The following CPT1C variants were observed in gnomAD, a reference collection of about 807,000 sequenced individuals.
CPT1C encodes the protein carnitine palmitoyltransferase 1C.
CPT1C carries 61 observed loss-of-function variants against 97.3 expected under a neutral mutation model. The observed-to-expected ratio is 0.63, with a 90% CI of 0.51 to 0.78. The LOEUF (loss-of-function observed/expected upper bound fraction) is 0.78, where lower values mean the gene tolerates loss of function less well. CPT1C is among the 30% of genes least tolerant of loss of function. The probability of loss-of-function intolerance (pLI) is 0.00; values close to 1 mark genes in which losing one functional copy is unlikely to be tolerated. For synonymous variants in CPT1C, 469 were observed against 447.2 expected (o/e 1.05, Z -0.61); for missense variants, 975 against 1,065.5 (o/e 0.92, Z 1.18).
intron 4 of CPT1C, among the ~76,000 whole-genome samples, chr19:49,698,368 A>G (rs2082789726): frequency 6.6e-6 from 1 of 151,876 alleles, no homozygotes; most frequent in Non-Finnish European, 1.5e-5. Context: ...CTGTCTCAAG[A>G]AAAAAGAAAA....
chr19:49,713,063 C>T lies in CPT1C; in HGVS notation c.2225C>T (p.Thr742Met), dbSNP rs766760821. 3 of 1,612,898 alleles carry T rather than the reference C, an allele frequency of 1.9e-6. No homozygotes were observed. The highest frequency in any genetic ancestry group is 4.5e-5 in the East Asian group (2 of 44,882). ...TCCAGCAAAAAATCAAGCACAAAAA[C>T]GGTGAGACAAACGTGTATACCCACC... is the stretch of plus-strand genomic sequence containing the variant. ...HISSKKSSTK[T>M]DSHRLGQHIE... Residue 742 changes from threonine (T) to methionine (M), a missense_variant and splice_region_variant, in exon 19 of 20, where the codon ACG becomes ATG. Thr to Met is a moderately conservative substitution (Grantham distance 81). This residue lies in a region of CPT1C where 344 missense variants were observed against 395.7 expected (regional missense o/e 0.87). Transcript: ENST00000598293.
In CPT1C at chr19:49,705,001, C is replaced by A; in HGVS notation, c.772-6C>A. ...GTGTTTTGCCATCCCCTCTCCTGGTCCCCAGGACTTCCTGTATGTCACACC... is the reference window on the plus strand; with the variant it reads ...GTGTTTTGCCATCCCCTCTCCTGGTACCCAGGACTTCCTGTATGTCACACC... On this transcript the variant is annotated splice_region_variant and splice_polypyrimidine_tract_variant and intron_variant, in intron 8 of 19. Transcript: ENST00000598293. 6.3e-7 allele frequency: 1 copy of A among 1,584,252 alleles called. No homozygotes were observed. Among genetic ancestry groups the A allele is most frequent in the South Asian group, 1.1e-5 (1 of 88,270 alleles).
In CPT1C at chr19:49,704,995, C is replaced by T. The variant is rs1276412374; in HGVS notation, c.772-12C>T. 2 of 1,581,700 alleles carry T rather than the reference C, an allele frequency of 1.3e-6. No individual in the cohort carries two copies. Among genetic ancestry groups the T allele is most frequent in the Admixed American group, 1.7e-5 (1 of 57,908 alleles). On this transcript the variant is annotated splice_polypyrimidine_tract_variant and intron_variant, in intron 8 of 19. Coordinates refer to ENST00000598293, the MANE Select transcript of CPT1C (RefSeq NM_001199753.2). ...CCCTGGGTGTTTTGCCATCCCCTCT[C>T]CTGGTCCCCAGGACTTCCTGTATGT...
chr19:49,703,419 C>G (rs2083302262), intron 7 of CPT1C, among the ~76,000 whole-genome samples: 1 of 149,020 alleles, frequency 6.7e-6, no homozygotes, highest in South Asian at 2.1e-4. Context: ...CCAGGATGGT[C>G]TCGACCTCCT....
chr19:49,713,634 A>G lies in CPT1C; in HGVS notation c.*29A>G, dbSNP rs73588437. The G allele has an allele frequency of 0.024, 38,580 of 1,586,718 alleles. 571 individuals carry two copies. Among genetic ancestry groups the G allele is most frequent in the South Asian group, 0.042 (3,627 of 85,752 alleles). ...CTTCCAGCAGGCAGCTGGCCTCTCC[A>G]AGGAATAAGGGTGAAATTGCCACAG... On this transcript the variant is annotated 3_prime_UTR_variant, in exon 20 of 20. Transcript: ENST00000598293.
chr19:49,712,725 C>T lies in CPT1C; in HGVS notation c.2020-11C>T, dbSNP rs544171102. 2.4e-5 allele frequency: 38 copies of T among 1,601,828 alleles called. No homozygotes were observed. In the South Asian group the frequency reaches 4.0e-4, roughly 17 times the overall value. On this transcript the variant is annotated splice_polypyrimidine_tract_variant and intron_variant, in intron 17 of 19. Transcript: ENST00000598293. ...CTCTGTCCTGCACATGTGATGGGCT[C>T]CTGTCCTCAGGTCCATTCGGAGCAG...
chr19:49,709,354 C>G (rs527494967), intron 14 of CPT1C, among the ~76,000 whole-genome samples: 15 of 151,884 alleles, frequency 9.9e-5, no homozygotes, highest in Non-Finnish European at 1.6e-4. Context: ...TACCCCACAC[C>G]AACCCCATCC....
intron 14 of CPT1C, among the ~76,000 whole-genome samples, chr19:49,709,716 G>A (rs1182231347): frequency 2.0e-5 from 3 of 151,284 alleles, no homozygotes; most frequent in Admixed American, 6.6e-5. Context: ...TACCACACCC[G>A]GCTAAATTTT....
Position 49,705,234 on chromosome 19 carries a change from C to G in CPT1C, c.900C>G (p.Arg300=). Residue 300 remains arginine, a synonymous_variant, in exon 10 of 20, where the codon CGC becomes CGG. Transcript: ENST00000598293. ...EIPPTLLMGM[R]PLCSAQYEKI... is the part of the protein sequence containing the mutation. ...TGCAGACTTTGCTGATGGGAATGCGCCCCTTATGCTCTGCCCAGTACGAGA... is the reference window on the plus strand; with the variant it reads ...TGCAGACTTTGCTGATGGGAATGCGGCCCTTATGCTCTGCCCAGTACGAGA... 6.2e-7 allele frequency: 1 copy of G among 1,614,074 alleles called. No individual in the cohort carries two copies. Among genetic ancestry groups the G allele is most frequent in the African/African-American group, 1.3e-5 (1 of 75,008 alleles).
intron 5 of CPT1C, among the ~76,000 whole-genome samples, 188 bp downstream of exon 5, chr19:49,701,043 C>T (rs2083002199): frequency 8.3e-6 from 1 of 121,198 alleles, no homozygotes; most frequent in South Asian, 3.7e-4. Context: ...GGGTCTCTGT[C>T]CCCCTCTCTC....
At chr19:49,701,895 TATAA>T (rs1162937413) in intron 7 of CPT1C, among the ~76,000 whole-genome samples, 3 of 114,310 alleles carry the variant, frequency 2.6e-5, no homozygotes, top group South Asian at 2.3e-4. Context: ...TATATTTATT[TATAA>T]ATATATATAT....
chr19:49,702,648 AAG>A (rs1289637566), intron 7 of CPT1C, among the ~76,000 whole-genome samples: 1 of 151,718 alleles, frequency 6.6e-6, no homozygotes, highest in African/African-American at 2.4e-5. Context: ...GAAAAAAAAA[AAG>A]ACAAAACCAA....
chr19:49,712,935 G>C (rs773943950), intron 18 of CPT1C, 37 bp from the exon 19 acceptor site: 1 of 1,597,656 alleles, frequency 6.3e-7, no homozygotes, highest in Non-Finnish European at 8.6e-7. Context: ...GGAGGGGACC[G>C]GAGCTATTTT....
In CPT1C at chr19:49,706,169, G is replaced by A. The variant is rs927675700; in HGVS notation, c.1161-62G>A. ...CGCCAGTGTCCTGAGACTGTGGAAG[G>A]GCAGGGTGGGGCCAGGTGGCGGCTG... On this transcript the variant is annotated intron_variant, in intron 11 of 19. Coordinates refer to ENST00000598293, the MANE Select transcript of CPT1C (RefSeq NM_001199753.2). The surrounding 1 kb of genome is among the most constrained non-coding windows in gnomAD (Gnocchi z 4.8). 2.2e-5 allele frequency: 34 copies of A among 1,555,564 alleles called. No individual in the cohort carries two copies. Among genetic ancestry groups the A allele is most frequent in the African/African-American group, 4.1e-5 (3 of 73,122 alleles).
chr19:49,712,975 G>A lies in CPT1C; in HGVS notation c.2137G>A (p.Asp713Asn). ...VSSGGGFGPA[D>N]DHGYGVSYIF... ...CCTTCACTCTTTCCGTCTCCAGGCTGATGACCATGGTTATGGTGTTTCTTA... is the reference window on the plus strand; with the variant it reads ...CCTTCACTCTTTCCGTCTCCAGGCTAATGACCATGGTTATGGTGTTTCTTA... The change falls in exon 19 of 20, where the codon GAT becomes AAT. Residue 713 changes from aspartate (D) to asparagine (N), a missense_variant. Asp to Asn is a conservative substitution (Grantham distance 23). Coordinates refer to ENST00000598293, the MANE Select transcript of CPT1C (RefSeq NM_001199753.2). The A allele has an allele frequency of 6.2e-6, 10 of 1,613,556 alleles. No homozygotes were observed. The highest frequency in any genetic ancestry group is 8.5e-6 in the Non-Finnish European group (10 of 1,179,500).
chr19:49,695,504 C>T (rs976725388), intron 3 of CPT1C, among the ~76,000 whole-genome samples: 3 of 150,926 alleles, frequency 2.0e-5, no homozygotes, highest in Non-Finnish European at 4.4e-5. Context: ...AGGATGATCT[C>T]GAACTCCTGA....
intron 16 of CPT1C, chr19:49,711,231 T>G (rs2083860391): frequency 6.2e-6 from 1 of 161,300 alleles, no homozygotes; most frequent in Admixed American, 6.3e-5. Context: ...GTAGCTGGAA[T>G]TATAGGCACC....
Position 49,708,718 on chromosome 19 carries a change from C to T in CPT1C, c.1450-5C>T. On this transcript the variant is annotated splice_region_variant and splice_polypyrimidine_tract_variant and intron_variant, in intron 13 of 19. Coordinates refer to ENST00000598293, the MANE Select transcript of CPT1C (RefSeq NM_001199753.2). ...GGGACTCTAACAGCCTCTGTTTGCC[C>T]ACAGTTCACTCTGGCTACAGAATGC... The T allele has an allele frequency of 6.2e-7, 1 of 1,609,620 alleles. No homozygotes were observed. The highest frequency in any genetic ancestry group is 8.5e-7 in the Non-Finnish European group (1 of 1,175,968).
intron 17 of CPT1C, 133 bp downstream of exon 17, chr19:49,712,094 G>A: frequency 8.8e-7 from 1 of 1,142,468 alleles, no homozygotes; most frequent in Non-Finnish European, 1.2e-6. Flanking sequence ...TGTAATCCCA[G>A]CAGTTTGGGA....
Sources: allele counts gnomAD v4.1 joint callset (sites outside exome capture counted in the v4.1 genomes callset), GRCh38; gene constraint gnomAD v4.1.1; regional missense constraint gnomAD v4.1.1; non-coding constraint Gnocchi (gnomAD v3.1); transcripts MANE v1.5; gene names NCBI Gene and HGNC (gene_info 2026-07-23, HGNC 2026-07-21).